INPP5A: variants seen among roughly 807,000 people sequenced by gnomAD.
INPP5A encodes the protein 43 kDa inositol polyphosphate 5-phophatase.
A neutral mutation model predicts 65.2 loss-of-function variants in INPP5A; 14 were observed. The observed-to-expected ratio is 0.21, with a 90% CI of 0.14 to 0.34. INPP5A has a LOEUF of 0.34. INPP5A is among the 10% of genes least tolerant of loss of function. The probability of loss-of-function intolerance (pLI) is 1.00; values close to 1 mark genes in which losing one functional copy is unlikely to be tolerated. For missense variants in INPP5A, 431 were observed against 545.6 expected, an observed-to-expected ratio of 0.79 and a Z score of 2.09; for synonymous variants, 207 against 208.3, an observed-to-expected ratio of 0.99 and a Z score of 0.05.
At chr10:132,569,731 T>TGA (rs1297911939) in intron 1 of INPP5A, among the ~76,000 whole-genome samples, 1 of 151,464 alleles carries the variant, frequency 6.6e-6, no homozygotes, top group African/African-American at 2.4e-5. Context: ...CTCGAACTCC[T>TGA]GACCTCAGGT....
chr10:132,661,041 T>C (rs2072730007), intron 4 of INPP5A, among the ~76,000 whole-genome samples: 1 of 152,188 alleles, frequency 6.6e-6, no homozygotes, highest in Non-Finnish European at 1.5e-5. Flanking sequence ...GGATGCCGGA[T>C]GGAGCATAGC....
chr10:132,710,961 T>C (rs1224728997), intron 8 of INPP5A, among the ~76,000 whole-genome samples: 1 of 152,152 alleles, frequency 6.6e-6, no homozygotes, highest in Non-Finnish European at 1.5e-5. Flanking sequence ...CTGCGCTTGC[T>C]GATTTGCCGA....
rs554109048 is a variant in INPP5A, at chr10:132,706,044, C to A, written c.475-2269C>A. 1.5e-4 allele frequency among the ~76,000 whole-genome samples: 23 copies of A among 152,168 alleles called. No homozygotes were observed. The highest frequency in any genetic ancestry group is 2.6e-4 in the Admixed American group (4 of 15,288). On this transcript the variant is annotated intron_variant, in intron 6 of 15. Transcript: ENST00000368594. The surrounding 1 kb of genome is among the most constrained non-coding windows in gnomAD (Gnocchi z 4.7). The stretch of plus-strand genomic sequence containing the variant: ...TTATTCAACTAAAACAGAAATAAAA[C>A]AAGAAAAGGGAATATGAAGAGGAGC...
intron 11 of INPP5A, among the ~76,000 whole-genome samples, chr10:132,761,658 G>A (rs1377475995): frequency 1.3e-5 from 2 of 152,184 alleles, no homozygotes; most frequent in Non-Finnish European, 2.9e-5. Flanking sequence ...ACTCCAAGCT[G>A]TGGGAGGCCA....
intron 2 of INPP5A, among the ~76,000 whole-genome samples, chr10:132,640,195 C>T (rs1490475256): frequency 1.3e-5 from 2 of 152,228 alleles, no homozygotes; most frequent in East Asian, 1.9e-4. Context: ...TCAGCATGCA[C>T]GCATTCACCC....
intron 12 of INPP5A, among the ~76,000 whole-genome samples, chr10:132,777,283 C>T (rs1209295029): frequency 6.6e-6 from 1 of 152,206 alleles, no homozygotes; most frequent in Non-Finnish European, 1.5e-5. Context: ...CGAGCTGATC[C>T]GGGCCAGGTC....
intron 2 of INPP5A, among the ~76,000 whole-genome samples, chr10:132,608,933 G>A (rs1282221492): frequency 6.6e-6 from 1 of 152,178 alleles, no homozygotes; most frequent in Non-Finnish European, 1.5e-5. Flanking sequence ...GGTGGAGCTG[G>A]GACAGCCAGG....
intron 2 of INPP5A, among the ~76,000 whole-genome samples, chr10:132,620,127 A>AAACCATTC (rs1377562478): frequency 6.6e-6 from 1 of 152,202 alleles, no homozygotes; most frequent in East Asian, 1.9e-4. Flanking sequence ...CTGACCCATG[A>AAACCATTC]AACCATTCTT....
chr10:132,647,731 G>A (rs2072517843), intron 3 of INPP5A, among the ~76,000 whole-genome samples: 1 of 152,104 alleles, frequency 6.6e-6, no homozygotes, highest in African/African-American at 2.4e-5. Flanking sequence ...CATGGGCTGG[G>A]GCACGGCATC....
At chr10:132,726,576 T>G (rs553321367) in intron 8 of INPP5A, among the ~76,000 whole-genome samples, 2 of 152,288 alleles carry the variant, frequency 1.3e-5, no homozygotes, top group Middle Eastern at 6.8e-3. Context: ...TTCCTCTTCC[T>G]CCATGTCGCT....
chr10:132,595,830 C>T (rs1338170595), intron 1 of INPP5A, among the ~76,000 whole-genome samples: 1 of 151,402 alleles, frequency 6.6e-6, no homozygotes, highest in Non-Finnish European at 1.5e-5. Flanking sequence ...CATTTTTGCT[C>T]TTTAGAATTA....
intron 1 of INPP5A, among the ~76,000 whole-genome samples, chr10:132,562,150 A>T (rs1289611512): frequency 1.3e-5 from 2 of 152,256 alleles, no homozygotes; most frequent in Non-Finnish European, 2.9e-5. Flanking sequence ...CGTGAGGCTC[A>T]CCTGCGGCTT....
intron 9 of INPP5A, among the ~76,000 whole-genome samples, chr10:132,732,122 C>T (rs571363987): frequency 3.9e-5 from 6 of 152,352 alleles, no homozygotes; most frequent in Admixed American, 6.5e-5. Context: ...GGATGCTGCC[C>T]GCGACAGCAG....
Position 132,781,888 on chromosome 10 carries a change from C to A in INPP5A, c.1186C>A (p.Pro396Thr). The change falls in exon 15 of 16, where the codon CCC (proline) becomes ACC (threonine). Residue 396 changes from proline (P) to threonine (T), a missense_variant. Pro to Thr is a conservative substitution (Grantham distance 38). Coordinates refer to ENST00000368594, the MANE Select transcript of INPP5A (RefSeq NM_005539.5). ...KPVFLAFRIM[P>T]GAGKPHAHVH... is the part of the protein sequence containing the mutation. ...CGTGTTCCTGGCCTTCCGAATCATG[C>A]CCGGGGCAGGTAAACCTCATGCCCA... 6.2e-7 allele frequency: 1 copy of A among 1,613,844 alleles called. No homozygotes were observed. Among genetic ancestry groups the A allele is most frequent in the Non-Finnish European group, 8.5e-7 (1 of 1,179,964 alleles).
intron 4 of INPP5A, among the ~76,000 whole-genome samples, chr10:132,684,096 A>C (rs1486060674): frequency 6.6e-6 from 1 of 152,266 alleles, no homozygotes; most frequent in African/African-American, 2.4e-5. Context: ...GTATCACGCC[A>C]TAGGACATTT....
At chr10:132,715,535 C>T (rs1590949243) in intron 8 of INPP5A, among the ~76,000 whole-genome samples, 1 of 152,192 alleles carries the variant, frequency 6.6e-6, no homozygotes, top group Non-Finnish European at 1.5e-5. Flanking sequence ...ACGTGATGCC[C>T]GCGCCCCAGC....
intron 9 of INPP5A, among the ~76,000 whole-genome samples, chr10:132,745,580 C>T (rs370481365): frequency 1.3e-5 from 2 of 152,244 alleles, no homozygotes; most frequent in African/African-American, 4.8e-5. Context: ...GGCCCCAGCC[C>T]GGGCCTCGGG....
intron 4 of INPP5A, among the ~76,000 whole-genome samples, chr10:132,664,036 A>G (rs1025167966): frequency 2.0e-5 from 3 of 152,380 alleles, no homozygotes; most frequent in Middle Eastern, 3.4e-3. Context: ...AAAGCTCTTA[A>G]GGACTTTCAT....
At chr10:132,548,211 G>A (rs1252835288) in intron 1 of INPP5A, among the ~76,000 whole-genome samples, 2 of 152,164 alleles carry the variant, frequency 1.3e-5, no homozygotes, top group African/African-American at 4.8e-5. Flanking sequence ...TGCTCAAATG[G>A]GTGGAGGGGT....
Sources: gnomAD v4.1 joint callset for allele counts (sites outside exome capture counted in the v4.1 genomes callset) on GRCh38, gnomAD v4.1.1 for gene constraint, Gnocchi (gnomAD v3.1) non-coding constraint, MANE v1.5 for transcripts, NCBI Gene and HGNC (gene_info 2026-07-23, HGNC 2026-07-21) for gene names.